ANTXR1: variants seen among roughly 807,000 people sequenced by gnomAD.
ANTXR1 encodes the protein anthrax toxin receptor 1.
ANTXR1 carries 19 observed loss-of-function variants against 78.1 expected under a neutral mutation model. That is an observed-to-expected ratio of 0.24 (90% CI 0.17 to 0.36). ANTXR1 has a LOEUF of 0.36. Ranked by LOEUF, ANTXR1 falls within the 10% of genes least tolerant of loss-of-function variation. ANTXR1 has a pLI of 1.00. For missense variants in ANTXR1, 518 were observed against 718.6 expected (o/e 0.72, Z 3.19); for synonymous variants, 273 against 260.5 (o/e 1.05, Z -0.46).
chr2:69,049,498 C>T (rs112475906), intron 3 of ANTXR1, among the ~76,000 whole-genome samples: 609 of 151,928 alleles, frequency 4.0e-3, no homozygotes, highest in Middle Eastern at 0.01. Context: ...TTAGTAGAGA[C>T]GGGGTTTCAC....
chr2:69,182,902 T>A, intron 16 of ANTXR1: 1 of 551,818 alleles, frequency 1.8e-6, no homozygotes, highest in Non-Finnish European at 3.2e-6. Context: ...GCACATATAG[T>A]AAAACTGGAA....
intron 8 of ANTXR1, among the ~76,000 whole-genome samples, chr2:69,088,807 G>A (rs2104276001): frequency 6.6e-6 from 1 of 152,322 alleles, no homozygotes; most frequent in Admixed American, 6.5e-5. Context: ...AGGTGCCCAG[G>A]ATATATCCTT....
chr2:69,185,427 C>A (rs1345651249), intron 16 of ANTXR1, among the ~76,000 whole-genome samples: 1 of 152,004 alleles, frequency 6.6e-6, no homozygotes, highest in Non-Finnish European at 1.5e-5. Flanking sequence ...GTAATCCCAG[C>A]TACTCAGGAG....
At chr2:69,226,901 T>C (rs1246654005) in intron 17 of ANTXR1, among the ~76,000 whole-genome samples, 1 of 152,204 alleles carries the variant, frequency 6.6e-6, no homozygotes, top group Non-Finnish European at 1.5e-5. Context: ...CAACCATTTC[T>C]TCCCAGATCA....
rs1671403278 is a variant in ANTXR1 at position 69,096,282 on chromosome 2, AAGG to A, written c.703+5365_703+5367del. 2.3e-4 allele frequency among the ~76,000 whole-genome samples: 8 copies of A among 34,662 alleles called. 1 individual carries two copies. Among genetic ancestry groups the A allele is most frequent in the Non-Finnish European group, 3.5e-4 (8 of 22,814 alleles). The allele number at this position is 34,662 out of a possible 152,430, so 22.7% of individuals were successfully genotyped here. A position where few individuals can be genotyped will look rare whatever the true frequency, so the allele number is the denominator to read the frequency against. On this transcript the variant is annotated intron_variant, in intron 9 of 17. Coordinates refer to ENST00000303714, the MANE Select transcript of ANTXR1 (RefSeq NM_032208.3). ...AAAGGAAGGAAGGAAGGAAGGAAGGAAGGAAGGGAGGAAGGGAGGAAGGGAGGA... is the reference window on the plus strand; with the variant it reads ...AAAGGAAGGAAGGAAGGAAGGAAGGAAAGGGAGGAAGGGAGGAAGGGAGGA...
At chr2:69,135,668 A>G (rs973091203) in intron 12 of ANTXR1, among the ~76,000 whole-genome samples, 1 of 152,120 alleles carries the variant, frequency 6.6e-6, no homozygotes, top group African/African-American at 2.4e-5. Flanking sequence ...GTTAAAAGGA[A>G]CAGTTAACCT....
rs1675990783 is a variant in ANTXR1, at chr2:69,245,263, G to A, written c.1473G>A (p.Gln491=). ...ACTTCACCAGGGTCAAGAACAACCA[G>A]CCAGCCAAGTACCCACTCAACAACG... ...CINFTRVKNN[Q]PAKYPLNNAY... is the part of the protein sequence containing the mutation. The change falls in exon 18 of 18, where the codon CAG becomes CAA. Residue 491 remains glutamine, a synonymous_variant. Coordinates refer to ENST00000303714, the MANE Select transcript of ANTXR1 (RefSeq NM_032208.3). The A allele has an allele frequency of 1.9e-6, 3 of 1,613,660 alleles. No homozygotes were observed. The highest frequency in any genetic ancestry group is 2.5e-6 in the Non-Finnish European group (3 of 1,179,948).
chr2:69,078,761 C>T (rs4854540), intron 8 of ANTXR1, among the ~76,000 whole-genome samples: 107,045 of 152,194 alleles, frequency 0.7, 38,256 homozygotes, highest in African/African-American at 0.81. Flanking sequence ...GCACTCAAGG[C>T]ATATGAATTA....
chr2:69,067,967 C>G (rs1474691519), intron 3 of ANTXR1, among the ~76,000 whole-genome samples: 3 of 152,100 alleles, frequency 2.0e-5, no homozygotes, highest in Admixed American at 6.5e-5. Context: ...GAAATACAAC[C>G]TAGAGAATGA....
At chr2:69,213,496 C>T (rs75165381) in intron 17 of ANTXR1, among the ~76,000 whole-genome samples, 6,368 of 152,286 alleles carry the variant, frequency 0.042, 589 homozygotes, top group East Asian at 0.37. Flanking sequence ...ACATTTAAAA[C>T]GTGCCAAACA....
chr2:69,207,816 C>T (rs986906730), intron 17 of ANTXR1, among the ~76,000 whole-genome samples: 10 of 152,090 alleles, frequency 6.6e-5, no homozygotes, highest in African/African-American at 2.2e-4. Flanking sequence ...GATATGCTGA[C>T]AATTTGAAGG....
At chr2:69,134,178 G>T (rs1672842786) in intron 12 of ANTXR1, among the ~76,000 whole-genome samples, 1 of 152,264 alleles carries the variant, frequency 6.6e-6, no homozygotes, top group African/African-American at 2.4e-5. Flanking sequence ...CAGTACCAAG[G>T]ACACTCCAAG....
At chr2:69,109,547 CACTT>C (rs1170579279) in intron 10 of ANTXR1, among the ~76,000 whole-genome samples, 2 of 152,174 alleles carry the variant, frequency 1.3e-5, no homozygotes, top group African/African-American at 4.8e-5. Flanking sequence ...CAGAACCAAA[CACTT>C]AGGTGAATTT....
chr2:69,013,207 G>A lies in ANTXR1; in HGVS notation c.-293G>A, dbSNP rs1218653909. ...GAACTCCTTCCATTGCAAAAGCTCG[G>A]CGCGGCCTCGGGAGCTGCCCGGCGG... is the stretch of plus-strand genomic sequence containing the variant. On this transcript the variant is annotated 5_prime_UTR_variant, in exon 1 of 18. Transcript: ENST00000303714. This position sits in a 1 kb window ranked among gnomAD's most constrained non-coding sequence, Gnocchi z 5.0. 4.1e-6 allele frequency: 2 copies of A among 493,240 alleles called. No homozygotes were observed. The highest frequency in any genetic ancestry group is 7.3e-6 in the Non-Finnish European group (2 of 274,772). 30.6% of individuals were successfully genotyped at this position (493,240 alleles called of 1,614,324 possible).
intron 17 of ANTXR1, among the ~76,000 whole-genome samples, chr2:69,226,994 T>G (rs971228867): frequency 1.3e-5 from 2 of 152,188 alleles, no homozygotes; most frequent in Non-Finnish European, 2.9e-5. Flanking sequence ...AAGCATTTCG[T>G]GCACCATGAA....
At chr2:69,123,300 A>T (rs1443637364) in intron 11 of ANTXR1, among the ~76,000 whole-genome samples, 1 of 152,160 alleles carries the variant, frequency 6.6e-6, no homozygotes, top group Non-Finnish European at 1.5e-5. Flanking sequence ...TTAACTAGGT[A>T]TTCCCACTAT....
rs1315749976 is a variant in ANTXR1, at chr2:69,028,401, CAATT to C, written c.153-11639_153-11636del. On this transcript the variant is annotated intron_variant, in intron 1 of 17. Transcript: ENST00000303714. ...ATTAAATGGTGAATTTTGATTGACA[CAATT>C]AATCTTTTATGATGGATAAAATTTT... Among the ~76,000 whole-genome samples, 10 of 152,158 alleles carry C rather than the reference CAATT, an allele frequency of 6.6e-5. No individual in the cohort carries two copies. In the South Asian group the frequency reaches 1.0e-3, roughly 16 times the overall value.
chr2:69,088,449 G>A (rs1671125007), intron 8 of ANTXR1, among the ~76,000 whole-genome samples: 1 of 152,202 alleles, frequency 6.6e-6, no homozygotes, highest in Non-Finnish European at 1.5e-5. Context: ...ACAGCTTTGT[G>A]TTGTTCTAAT....
chr2:69,123,201 A>G (rs1275003732), intron 11 of ANTXR1, 115 bp downstream of exon 11: 2 of 1,097,746 alleles, frequency 1.8e-6, no homozygotes, highest in Non-Finnish European at 2.8e-6. Flanking sequence ...AGGTTCCTCC[A>G]GCTTATGACG....
Sources: allele counts gnomAD v4.1 joint callset (sites outside exome capture counted in the v4.1 genomes callset), GRCh38; gene constraint gnomAD v4.1.1; non-coding constraint Gnocchi (gnomAD v3.1); transcripts MANE v1.5; gene names NCBI Gene and HGNC (gene_info 2026-07-23, HGNC 2026-07-21).